The following SWT1 variants were observed in gnomAD, a reference collection of about 807,000 sequenced individuals.
SWT1 encodes transcriptional protein SWT1.
SWT1 carries 33 observed loss-of-function variants against 107.3 expected under a neutral mutation model. The ratio of observed to expected loss-of-function variants is 0.31; its 90% CI spans 0.23 to 0.41. The LOEUF (loss-of-function observed/expected upper bound fraction) is 0.41, where lower values mean the gene tolerates loss of function less well. SWT1 is among the 10% of genes least tolerant of loss of function. SWT1 has a pLI of 1.00. For synonymous variants in SWT1, 345 were observed against 348.3 expected (o/e 0.99, Z 0.11); for missense variants, 898 against 1,028.9 (o/e 0.87, Z 1.74).
At chr1:185,211,820 T>C (rs1322076194) in intron 13 of SWT1, among the ~76,000 whole-genome samples, 1 of 152,108 alleles carries the variant, frequency 6.6e-6, no homozygotes, top group East Asian at 1.9e-4. Context: ...TGTCCAACAA[T>C]GATAGACTGG....
At chr1:185,233,241 C>CAA (rs74678284) in intron 16 of SWT1, among the ~76,000 whole-genome samples, 1 of 152,122 alleles carries the variant, frequency 6.6e-6, no homozygotes, top group Non-Finnish European at 1.5e-5. Context: ...ATGATCTTTT[C>CAA]AAAAAACCAG....
intron 1 of SWT1, among the ~76,000 whole-genome samples, chr1:185,158,718 A>G (rs1571372802): frequency 6.6e-6 from 1 of 152,208 alleles, no homozygotes; most frequent in South Asian, 2.1e-4. Context: ...TGAAGAAGGA[A>G]TCGTCAATGT....
chr1:185,194,208 A>G (rs1023304541), intron 10 of SWT1, among the ~76,000 whole-genome samples: 1 of 152,110 alleles, frequency 6.6e-6, no homozygotes, highest in African/African-American at 2.4e-5. Context: ...TGTAGACATC[A>G]TATAGTTGGT....
At chr1:185,283,854 A>G (rs796854057) in intron 18 of SWT1, among the ~76,000 whole-genome samples, 57 of 152,296 alleles carry the variant, frequency 3.7e-4, no homozygotes, top group African/African-American at 1.3e-3. Context: ...ACACACATAT[A>G]TACACACCAC....
intron 1 of SWT1, among the ~76,000 whole-genome samples, chr1:185,158,995 C>G (rs1653903893): frequency 6.6e-6 from 1 of 152,122 alleles, no homozygotes; most frequent in African/African-American, 2.4e-5. Flanking sequence ...TTAGTTGGTT[C>G]TGGTTGTTGG....
intron 1 of SWT1, among the ~76,000 whole-genome samples, chr1:185,159,195 C>T (rs2102282560): frequency 6.6e-6 from 1 of 152,284 alleles, no homozygotes; most frequent in Non-Finnish European, 1.5e-5. Flanking sequence ...CAGCCTTATT[C>T]ATTGTGGTAG....
intron 15 of SWT1, chr1:185,227,375 C>G (rs1214893475): frequency 4.2e-6 from 3 of 713,602 alleles, no homozygotes; most frequent in Non-Finnish European, 7.8e-6. Flanking sequence ...TATTGAGAAG[C>G]CTGCGGGCCA....
chr1:185,236,038 A>C (rs569225706), intron 16 of SWT1, among the ~76,000 whole-genome samples: 5 of 152,354 alleles, frequency 3.3e-5, no homozygotes, highest in Admixed American at 2.0e-4. Context: ...CTGCTCAAAG[A>C]AATAAGAGAA....
intron 18 of SWT1, 59 bp from the exon 19 acceptor site, chr1:185,290,613 AAG>A (rs1191021911): frequency 5.4e-6 from 7 of 1,305,756 alleles, no homozygotes; most frequent in Non-Finnish European, 7.1e-6. Context: ...TAAAATGAAA[AAG>A]AATTTTTATT....
chr1:185,204,840 G>A lies in SWT1; in HGVS notation c.1810G>A (p.Ala604Thr), dbSNP rs1658182255. ...AATATTAGAAACAGAAATGAAAATT[G>A]CTTTTGGAAACCTTTGGATGGAGGT... ...SSILETEMKIAFGNLWMEILY... is the reference protein window; with the variant it reads ...SSILETEMKITFGNLWMEILY... Residue 604 changes from alanine (A) to threonine (T), a missense_variant, in exon 12 of 19, where the codon GCT (alanine) becomes ACT (threonine). Physicochemically the swap from Ala to Thr is moderately conservative, Grantham distance 58. Transcript: ENST00000367500. 1.9e-6 allele frequency: 3 copies of A among 1,580,704 alleles called. No homozygotes were observed. Among genetic ancestry groups the A allele is most frequent in the Non-Finnish European group, 1.7e-6 (2 of 1,167,116 alleles).
chr1:185,270,995 A>G (rs1663816510), intron 16 of SWT1, among the ~76,000 whole-genome samples: 1 of 152,214 alleles, frequency 6.6e-6, no homozygotes, highest in Admixed American at 6.6e-5. Flanking sequence ...TGCACTTCAC[A>G]TTTCTGTCTA....
At chr1:185,173,737 CG>C (rs1655299532) in intron 4 of SWT1, among the ~76,000 whole-genome samples, 1 of 150,788 alleles carries the variant, frequency 6.6e-6, no homozygotes, top group Non-Finnish European at 1.5e-5. Flanking sequence ...TCGGATAGGC[CG>C]GGGTACAGTG....
At chr1:185,258,778 A>G (rs60064915) in intron 16 of SWT1, among the ~76,000 whole-genome samples, 5,965 of 152,026 alleles carry the variant, frequency 0.039, 284 homozygotes, top group African/African-American at 0.096. Context: ...ATCATAATAT[A>G]TCTGGGTATG....
At chr1:185,231,856 C>T (rs1660529616) in intron 16 of SWT1, 148 bp downstream of exon 16, 1 of 587,706 alleles carries the variant, frequency 1.7e-6, no homozygotes, top group East Asian at 2.9e-5. Flanking sequence ...TTTTGTGGCA[C>T]TAAAGGAGGA....
chr1:185,247,841 T>G (rs1301491402), intron 16 of SWT1, among the ~76,000 whole-genome samples: 1 of 152,220 alleles, frequency 6.6e-6, no homozygotes, highest in Non-Finnish European at 1.5e-5. Flanking sequence ...GAACTAAATT[T>G]TATGTAATTT....
chr1:185,167,700 A>G (rs961479200), intron 3 of SWT1, among the ~76,000 whole-genome samples: 2 of 152,120 alleles, frequency 1.3e-5, no homozygotes, highest in Non-Finnish European at 2.9e-5. Flanking sequence ...TCTTCCTTGA[A>G]AGAGGCCCTC....
chr1:185,256,559 C>G (rs1294220426), intron 16 of SWT1, among the ~76,000 whole-genome samples: 3 of 146,628 alleles, frequency 2.0e-5, no homozygotes, highest in East Asian at 2.0e-4. Context: ...ACCCTTTCTT[C>G]CAGTTGATCG....
intron 1 of SWT1, among the ~76,000 whole-genome samples, chr1:185,159,031 C>T (rs12028366): frequency 2.2e-4 from 34 of 152,280 alleles, no homozygotes; most frequent in Admixed American, 1.2e-3. Context: ...TCTTCCCTTG[C>T]GAGCCTTTCC....
intron 16 of SWT1, among the ~76,000 whole-genome samples, chr1:185,241,854 A>G (rs778119600): frequency 8.5e-5 from 13 of 152,196 alleles, no homozygotes; most frequent in Non-Finnish European, 1.6e-4. Flanking sequence ...AGGTTAAAGA[A>G]TAAGAAAATC....
Sources: allele counts gnomAD v4.1 joint callset (sites outside exome capture counted in the v4.1 genomes callset), GRCh38; gene constraint gnomAD v4.1.1; transcripts MANE v1.5; gene names NCBI Gene and HGNC (gene_info 2026-07-23, HGNC 2026-07-21).